The following MACROD2 variants were observed in gnomAD, a reference collection of about 807,000 sequenced individuals.
The protein encoded by MACROD2 is ADP-ribose glycohydrolase MACROD2.
In MACROD2, 36 loss-of-function variants were observed where a neutral mutation model predicts 70.4. That is an observed-to-expected ratio of 0.51 (90% CI 0.39 to 0.68). The LOEUF (loss-of-function observed/expected upper bound fraction) is 0.68. Ranked by LOEUF, MACROD2 falls within the 30% of genes least tolerant of loss-of-function variation. The pLI, the probability that MACROD2 is intolerant of heterozygous loss-of-function variation, is 0.00. For synonymous variants in MACROD2, 172 were observed against 178.8 expected (o/e 0.96, Z 0.30); for missense variants, 496 against 538.4 (o/e 0.92, Z 0.78).
At chr20:14,119,159 ATTTT>A (rs1181793101) in intron 3 of MACROD2, among the ~76,000 whole-genome samples, 4 of 56,764 alleles carry the variant, frequency 7.0e-5, no homozygotes, top group South Asian at 9.0e-4. Flanking sequence ...AATGACTGTG[ATTTT>A]TTTTTTTTTT....
intron 5 of MACROD2, among the ~76,000 whole-genome samples, chr20:15,035,996 G>A (rs1195055155): frequency 4.6e-5 from 7 of 152,142 alleles, no homozygotes; most frequent in African/African-American, 1.7e-4. Context: ...GGAATGGGGG[G>A]AGGATGGTCT....
chr20:15,675,092 G>A (rs373968548), intron 8 of MACROD2, among the ~76,000 whole-genome samples: 1 of 152,118 alleles, frequency 6.6e-6, no homozygotes, highest in South Asian at 2.1e-4. Context: ...CTCATTAGCT[G>A]TAAACAGTGT....
intron 3 of MACROD2, among the ~76,000 whole-genome samples, chr20:14,375,050 C>T (rs1184426750): frequency 6.6e-6 from 1 of 152,076 alleles, no homozygotes; most frequent in Admixed American, 6.6e-5. Context: ...GTTGTATATT[C>T]ACTTTTTTTG....
chr20:14,953,367 T>G lies in MACROD2; in HGVS notation c.418+268408T>G, dbSNP rs1158768697. Among the ~76,000 whole-genome samples the G allele has an allele frequency of 2.0e-5, 3 of 152,130 alleles. No homozygotes were observed. The East Asian group carries it at 5.8e-4, about 29-fold the overall frequency. ...TGTCGCCCAGGTTGGAGTGCAGTGG[T>G]GTGATCTCGGCTCACTGCAAACTCC... On this transcript the variant is annotated intron_variant, in intron 5 of 17. Transcript: ENST00000684519.
In MACROD2 at chr20:14,043,594, C is replaced by A. The variant is rs966854927; in HGVS notation, c.163+41190C>A. Among the ~76,000 whole-genome samples the A allele has an allele frequency of 4.6e-5, 7 of 152,178 alleles. No individual in the cohort carries two copies. The East Asian group carries it at 9.6e-4, about 21-fold the overall frequency. ...AAGGTTATGAGCTAATACTTATAGA[C>A]TGAGTGGGAAAACCTAGAAAGGCCG... On this transcript the variant is annotated intron_variant, in intron 2 of 17. Coordinates refer to ENST00000684519, the MANE Select transcript of MACROD2 (RefSeq NM_001351661.2).
chr20:15,528,465 T>C (rs6110655), intron 8 of MACROD2, among the ~76,000 whole-genome samples: 19,887 of 152,194 alleles, frequency 0.13, 1,589 homozygotes, highest in East Asian at 0.29. Flanking sequence ...AGCAGTGCTA[T>C]TGGCTTCCTA....
chr20:15,461,657 A>G (rs770909483), intron 7 of MACROD2, among the ~76,000 whole-genome samples: 11 of 152,300 alleles, frequency 7.2e-5, no homozygotes, highest in Non-Finnish European at 1.6e-4. Context: ...TGAAATATTA[A>G]TTATTCTTAT....
At chr20:15,488,383 A>G (rs2047187248) in intron 7 of MACROD2, among the ~76,000 whole-genome samples, 1 of 152,136 alleles carries the variant, frequency 6.6e-6, no homozygotes, top group Non-Finnish European at 1.5e-5. Context: ...TTGAGCACCT[A>G]TTTTGCTTTG....
chr20:14,145,676 A>T (rs1468194800), intron 3 of MACROD2, among the ~76,000 whole-genome samples: 1 of 152,184 alleles, frequency 6.6e-6, no homozygotes, highest in Non-Finnish European at 1.5e-5. Flanking sequence ...CAATAGTTGA[A>T]TAATATTTAC....
intron 5 of MACROD2, among the ~76,000 whole-genome samples, chr20:14,938,443 G>A (rs1293761865): frequency 6.6e-6 from 1 of 152,028 alleles, no homozygotes; most frequent in Non-Finnish European, 1.5e-5. Context: ...CTGATGATTA[G>A]TCATATTGAA....
intron 5 of MACROD2, among the ~76,000 whole-genome samples, chr20:15,187,426 A>T (rs2076541227): frequency 1.3e-5 from 2 of 152,234 alleles, no homozygotes; most frequent in Admixed American, 1.3e-4. Flanking sequence ...TCTATTATGG[A>T]TCAACTAAAG....
At chr20:14,342,753 T>C (rs531039522) in intron 3 of MACROD2, among the ~76,000 whole-genome samples, 4 of 152,302 alleles carry the variant, frequency 2.6e-5, no homozygotes, top group African/African-American at 9.6e-5. Flanking sequence ...AAAATGTACC[T>C]AAAAACAATC....
At chr20:14,694,432 C>A (rs568931024) in intron 5 of MACROD2, among the ~76,000 whole-genome samples, 1 of 152,306 alleles carries the variant, frequency 6.6e-6, no homozygotes, top group South Asian at 2.1e-4. Flanking sequence ...AGTGATCTTT[C>A]TGCTGAAGGT....
At chr20:15,511,806 A>G (rs540107047) in intron 8 of MACROD2, among the ~76,000 whole-genome samples, 2 of 152,342 alleles carry the variant, frequency 1.3e-5, no homozygotes, top group African/African-American at 4.8e-5. Flanking sequence ...TGTGACAATC[A>G]TTCTGGACCT....
At chr20:14,323,279 A>C (rs923873979) in intron 3 of MACROD2, 1 of 152,126 alleles carries the variant, frequency 6.6e-6, no homozygotes, top group African/African-American at 2.4e-5. Context: ...TTAATTTGCT[A>C]CAACAGCTCA....
intron 4 of MACROD2, among the ~76,000 whole-genome samples, chr20:14,533,638 A>G (rs1600351508): frequency 6.6e-6 from 1 of 152,252 alleles, no homozygotes; most frequent in Non-Finnish European, 1.5e-5. Flanking sequence ...TCCAGAACTT[A>G]AAGTATAATT....
intron 3 of MACROD2, among the ~76,000 whole-genome samples, chr20:14,195,006 T>C (rs944074883): frequency 1.3e-5 from 2 of 152,160 alleles, no homozygotes; most frequent in Non-Finnish European, 2.9e-5. Flanking sequence ...GAAGTGGTAA[T>C]ATAAGAGACT....
Position 15,668,275 on chromosome 20 carries a change from A to G in MACROD2, c.645+168428A>G, listed in dbSNP as rs138560891. ...ACTCTGTCTAAAAAAAATATAAAAT[A>G]AAAAAATGCTGGGCACGGTGGCTCA... On this transcript the variant is annotated intron_variant, in intron 8 of 17. Transcript: ENST00000684519. Among the ~76,000 whole-genome samples, 32 of 151,586 alleles carry G rather than the reference A, an allele frequency of 2.1e-4. 2 individuals are homozygous for G. The East Asian group carries it at 6.2e-3, about 29-fold the overall frequency.
chr20:15,346,783 G>A (rs1052978129), intron 6 of MACROD2, among the ~76,000 whole-genome samples: 9 of 152,136 alleles, frequency 5.9e-5, no homozygotes, highest in Non-Finnish European at 1.0e-4. Context: ...CTCCGTTTAC[G>A]ATGACTGTCC....
Sources: gnomAD v4.1 joint callset for allele counts (sites outside exome capture counted in the v4.1 genomes callset) on GRCh38, gnomAD v4.1.1 for gene constraint, MANE v1.5 for transcripts, NCBI Gene and HGNC (gene_info 2026-07-23, HGNC 2026-07-21) for gene names.